SLC5A8: variants seen among roughly 807,000 people sequenced by gnomAD.
SLC5A8 encodes solute carrier family 5 member 8.
In SLC5A8, 55 loss-of-function variants were observed where a neutral mutation model predicts 71.9. That is an observed-to-expected ratio of 0.77 (90% CI 0.62 to 0.96). The LOEUF (loss-of-function observed/expected upper bound fraction) is 0.96, where lower values mean the gene tolerates loss of function less well. SLC5A8 is among the 40% of genes least tolerant of loss of function. The pLI, the probability that SLC5A8 is intolerant of heterozygous loss-of-function variation, is 0.00. For missense variants in SLC5A8, 701 were observed against 745.3 expected, an observed-to-expected ratio of 0.94 and a Z score of 0.69; for synonymous variants, 307 against 276.1, an observed-to-expected ratio of 1.11 and a Z score of -1.11.
Position 101,187,519 on chromosome 12 carries a change from A to C in SLC5A8, c.834-4T>G. On this transcript the variant is annotated splice_polypyrimidine_tract_variant and splice_region_variant and intron_variant, in intron 6 of 14. Coordinates refer to ENST00000536262, the MANE Select transcript of SLC5A8 (RefSeq NM_145913.5). ...CACAAGATTGATGTAGAGAGACCTA[A>C]AGAAGTGAAAACAAACCAGCAAAAG... 6.3e-7 allele frequency: 1 copy of C among 1,598,864 alleles called. No homozygotes were observed. Among genetic ancestry groups the C allele is most frequent in the Non-Finnish European group, 8.5e-7 (1 of 1,174,750 alleles).
rs531338071 is a variant in SLC5A8, at chr12:101,185,451, G to A, written c.964-1229C>T. On this transcript the variant is annotated intron_variant, in intron 7 of 14. Coordinates refer to ENST00000536262, the MANE Select transcript of SLC5A8 (RefSeq NM_145913.5). ...CCCCTCAAGTATAGGTAGAACCAAT[G>A]AAATAGGATTGATGGAGAGGAAAAT... 2.6e-5 allele frequency among the ~76,000 whole-genome samples: 4 copies of A among 152,332 alleles called. No homozygotes were observed. In the Middle Eastern group the frequency reaches 0.01, roughly 389 times the overall value.
In SLC5A8 at chr12:101,209,504, G is replaced by GT. The variant is rs1869824626; in HGVS notation, c.344_345insA (p.Tyr116LeufsTer9). 2.0e-6 allele frequency: 3 copies of GT among 1,532,638 alleles called. No homozygotes were observed. In the African/African-American group the frequency reaches 4.1e-5, roughly 21 times the overall value. The allele number at this position is 1,532,638 out of a possible 1,614,324, so 94.9% of individuals were successfully genotyped here. On this transcript the variant is annotated frameshift_variant, in exon 1 of 15. Coordinates refer to ENST00000536262, the MANE Select transcript of SLC5A8 (RefSeq NM_145913.5). LOFTEE classifies it high-confidence loss of function. ...AGCCCACCCTGCCCCTTACCTCGTA[G>GT]GTGCTGGTAATTCCCAGTTTGTAGA...
intron 10 of SLC5A8, among the ~76,000 whole-genome samples, chr12:101,178,837 A>C (rs888211055): frequency 6.7e-6 from 1 of 150,364 alleles, no homozygotes; most frequent in African/African-American, 2.5e-5. Flanking sequence ...AAAAAAATGC[A>C]CTTTGACAGA....
At chr12:101,184,015 G>T in intron 8 of SLC5A8, 119 bp downstream of exon 8, 2 of 878,472 alleles carry the variant, frequency 2.3e-6, no homozygotes, top group South Asian at 1.7e-5. Context: ...ACAGCAGATT[G>T]CCTACTTTGG....
At position 101,194,641 on chromosome 12, in the gene SLC5A8, ATT is replaced by A. The variant is rs150006240; in HGVS notation, c.537+452_537+453del. On this transcript the variant is annotated intron_variant, in intron 4 of 14. Coordinates refer to ENST00000536262, the MANE Select transcript of SLC5A8 (RefSeq NM_145913.5). The stretch of plus-strand genomic sequence containing the variant: ...CCACCATGCCTCCTAATTTTAAAAA[ATT>A]TTTTTTGTTTTTTTGTAGAGACAGA... Among the ~76,000 whole-genome samples the A allele has an allele frequency of 6.6e-3, 998 of 151,870 alleles. 13 individuals carry two copies. The highest frequency in any genetic ancestry group is 0.022 in the African/African-American group (931 of 41,418).
chr12:101,198,519 G>A (rs1055214350), intron 3 of SLC5A8, among the ~76,000 whole-genome samples: 3 of 151,846 alleles, frequency 2.0e-5, no homozygotes, highest in Non-Finnish European at 4.4e-5. Flanking sequence ...TTATGCTAAT[G>A]AATTTGATAA....
intron 10 of SLC5A8, among the ~76,000 whole-genome samples, chr12:101,170,181 C>A (rs2051815368): frequency 1.3e-5 from 2 of 152,264 alleles, no homozygotes; most frequent in South Asian, 4.1e-4. Flanking sequence ...TCTGTCCTCT[C>A]CAGGCCCACA....
Position 101,209,628 on chromosome 12 carries a change from G to A in SLC5A8, c.221C>T (p.Thr74Ile). 1 of 1,614,072 alleles carries A rather than the reference G, an allele frequency of 6.2e-7. No homozygotes were observed. ...CCCAAAACGGTAGACCTCGGAGGGG[G>A]TGCCCAGGACAGTGACGGCTGACAT... ...SFMSAVTVLGTPSEVYRFGAI... is the reference protein window; with the variant it reads ...SFMSAVTVLGIPSEVYRFGAI... The change falls in exon 1 of 15, where the codon ACC (threonine) becomes ATC (isoleucine). Residue 74 changes from threonine (T) to isoleucine (I), a missense_variant. Transcript: ENST00000536262.
intron 1 of SLC5A8, among the ~76,000 whole-genome samples, chr12:101,205,149 G>C (rs77534339): frequency 0.018 from 2,688 of 152,096 alleles, 88 homozygotes; most frequent in African/African-American, 0.062. Flanking sequence ...CCTTCCATTG[G>C]GTATTTGAAT....
intron 10 of SLC5A8, among the ~76,000 whole-genome samples, chr12:101,169,293 T>C (rs2051805100): frequency 6.6e-6 from 1 of 152,168 alleles, no homozygotes; most frequent in Non-Finnish European, 1.5e-5. Context: ...TGAACTGGCT[T>C]GGAGTTATGA....
At chr12:101,194,730 G>A (rs1214078274) in intron 4 of SLC5A8, among the ~76,000 whole-genome samples, 1 of 152,044 alleles carries the variant, frequency 6.6e-6, no homozygotes. Flanking sequence ...TTCCACCTCG[G>A]CCTCCCAAAT....
At chr12:101,179,598 A>G (rs745884732) in intron 10 of SLC5A8, among the ~76,000 whole-genome samples, 2 of 152,200 alleles carry the variant, frequency 1.3e-5, no homozygotes, top group African/African-American at 2.4e-5. Context: ...ATAGAAATGG[A>G]AAACAGATTA....
rs1353216915 is a variant in SLC5A8, at chr12:101,209,566, C to T, written c.283G>A (p.Val95Met). ...AAGACCTCCGCGCTGATGACCACCA[C>T]AAAGAAGTAGGTGAAGGCAAAGATG... ...FSIFAFTYFF[V>M]VVISAEVFLP... The change falls in exon 1 of 15, where the codon GTG (valine) becomes ATG (methionine). Residue 95 changes from valine to methionine, a missense_variant. Transcript: ENST00000536262. 1 of 1,613,966 alleles carries T rather than the reference C, an allele frequency of 6.2e-7. No homozygotes were observed. Among genetic ancestry groups the T allele is most frequent in the African/African-American group, 1.3e-5 (1 of 74,920 alleles).
intron 5 of SLC5A8, among the ~76,000 whole-genome samples, chr12:101,193,251 G>A (rs573542613): frequency 2.8e-4 from 43 of 152,282 alleles, no homozygotes; most frequent in African/African-American, 9.9e-4. Context: ...GGGATTACAG[G>A]TGTGAGCCAC....
Position 101,155,649 on chromosome 12 carries a change from G to C in SLC5A8, c.*1630C>G, listed in dbSNP as rs1213455427. 3 of 151,402 alleles carry C rather than the reference G, an allele frequency of 2.0e-5. No homozygotes were observed. Among genetic ancestry groups the C allele is most frequent in the Admixed American group, 2.0e-4 (3 of 15,158 alleles). The allele number at this position is 151,402 out of a possible 1,614,324, so 9.4% of individuals were successfully genotyped here. On this transcript the variant is annotated 3_prime_UTR_variant, in exon 15 of 15. Transcript: ENST00000536262. ...CTACAAGTATGTGGCAACATGCCTA[G>C]CTAAGTTTTTTTTATTTTTATTTTT...
At position 101,209,943 on chromosome 12, in the gene SLC5A8, C is replaced by A; in HGVS notation, c.-95G>T. 4.2e-6 allele frequency: 5 copies of A among 1,203,484 alleles called. No individual in the cohort carries two copies. The highest frequency in any genetic ancestry group is 5.6e-6 in the Non-Finnish European group (5 of 900,888). The allele number at this position is 1,203,484 out of a possible 1,614,324, so 74.6% of individuals were successfully genotyped here. A position where few individuals can be genotyped will look rare whatever the true frequency, so the allele number is the denominator to read the frequency against. ...CACTTCTTATCCCGGATCCCTGGCG[C>A]GCAGGCGTGGCGTCCCGCGGGGACT... On this transcript the variant is annotated 5_prime_UTR_variant, in exon 1 of 15. Coordinates refer to ENST00000536262, the MANE Select transcript of SLC5A8 (RefSeq NM_145913.5).
chr12:101,157,540 G>A, intron 14 of SLC5A8, 139 bp from the exon 15 acceptor site: 2 of 1,048,522 alleles, frequency 1.9e-6, no homozygotes, highest in Non-Finnish European at 2.7e-6. Context: ...TATATAACAG[G>A]TATACTTCCT....
intron 9 of SLC5A8, among the ~76,000 whole-genome samples, chr12:101,182,544 C>T (rs1198836092): frequency 1.3e-5 from 2 of 152,186 alleles, no homozygotes; most frequent in African/African-American, 4.8e-5. Flanking sequence ...ACAGCTAAAT[C>T]GGTCCCCTGG....
intron 9 of SLC5A8, 66 bp from the exon 10 acceptor site, chr12:101,180,162 A>C: frequency 6.8e-7 from 1 of 1,466,334 alleles, no homozygotes. Flanking sequence ...TCAATAGAAT[A>C]ATCCACCACA....
Sources: gnomAD v4.1 joint callset for allele counts (sites outside exome capture counted in the v4.1 genomes callset) on GRCh38, gnomAD v4.1.1 for gene constraint, MANE v1.5 for transcripts, NCBI Gene and HGNC (gene_info 2026-07-23, HGNC 2026-07-21) for gene names.